Variants in CYP19A1 observed in about 807,000 individuals in gnomAD.
CYP19A1 encodes the protein aromatase.
CYP19A1 carries 32 observed loss-of-function variants against 44.4 expected under a neutral mutation model. That is an observed-to-expected ratio of 0.72 (90% CI 0.54 to 0.97). The LOEUF is 0.97. Among genes scored for constraint, CYP19A1 ranks in the 50% least tolerant of loss-of-function variants. The pLI, the probability that CYP19A1 is intolerant of heterozygous loss-of-function variation, is 0.00. For missense variants in CYP19A1, 598 were observed against 637.8 expected (o/e 0.94, Z 0.67); for synonymous variants, 212 against 215.6 (o/e 0.98, Z 0.14).
At chr15:51,240,969 T>C (rs1035599040) in intron 2 of CYP19A1, among the ~76,000 whole-genome samples, 42 of 152,208 alleles carry the variant, frequency 2.8e-4, no homozygotes, top group Admixed American at 2.6e-3. Context: ...AGGCTCATAT[T>C]TGTGGCTCTC....
In CYP19A1 at chr15:51,229,514, C is replaced by G. The variant is rs188494149; in HGVS notation, c.297-1581G>C. On this transcript the variant is annotated intron_variant, in intron 3 of 9. Transcript: ENST00000396402. ...TCTTGATCTGATTCCAGATAATATT[C>G]ATCAAATAATCCTAAGTTTTGGACA... is the stretch of plus-strand genomic sequence containing the variant. Among the ~76,000 whole-genome samples, 554 of 151,686 alleles carry G rather than the reference C, an allele frequency of 3.7e-3. 3 individuals are homozygous for G. Among genetic ancestry groups the G allele is most frequent in the African/African-American group, 0.013 (528 of 41,388 alleles).
At chr15:51,282,355 C>T (rs59495361) in intron 1 of CYP19A1, among the ~76,000 whole-genome samples, 1 of 152,306 alleles carries the variant, frequency 6.6e-6, no homozygotes, top group Admixed American at 6.5e-5. Context: ...TGAGTCTAGA[C>T]TTGCTGGCTC....
chr15:51,275,846 T>C (rs2035288762), intron 1 of CYP19A1, among the ~76,000 whole-genome samples: 1 of 152,148 alleles, frequency 6.6e-6, no homozygotes, highest in Non-Finnish European at 1.5e-5. Context: ...CCAAAGTAAA[T>C]GGATTCATTT....
intron 3 of CYP19A1, among the ~76,000 whole-genome samples, chr15:51,230,190 A>G (rs943907730): frequency 3.9e-5 from 6 of 152,264 alleles, no homozygotes; most frequent in Non-Finnish European, 5.9e-5. Flanking sequence ...AGAAAAGTGA[A>G]GAGAAGGTCA....
intron 1 of CYP19A1, among the ~76,000 whole-genome samples, chr15:51,275,691 T>A (rs1305394691): frequency 6.6e-6 from 1 of 152,252 alleles, no homozygotes; most frequent in Non-Finnish European, 1.5e-5. Flanking sequence ...CACATTTTTT[T>A]TTCTTGTTTC....
chr15:51,237,480 G>A (rs1305895911), intron 2 of CYP19A1, among the ~76,000 whole-genome samples: 1 of 152,212 alleles, frequency 6.6e-6, no homozygotes, highest in Non-Finnish European at 1.5e-5. Flanking sequence ...AAACTGGTCT[G>A]TAGTTTTGTA....
intron 9 of CYP19A1, 131 bp downstream of exon 9, chr15:51,212,189 T>G: frequency 1.3e-6 from 1 of 781,640 alleles, no homozygotes; most frequent in Non-Finnish European, 2.3e-6. Flanking sequence ...ACGTGTGTGC[T>G]CCTGGTGAGG....
chr15:51,293,330 A>G (rs1385498134), intron 1 of CYP19A1, among the ~76,000 whole-genome samples: 5 of 152,208 alleles, frequency 3.3e-5, no homozygotes, highest in African/African-American at 1.2e-4. Context: ...GCACAATTGT[A>G]AACAAAATAT....
chr15:51,267,587 G>C (rs1016563494), intron 1 of CYP19A1, among the ~76,000 whole-genome samples: 1 of 152,226 alleles, frequency 6.6e-6, no homozygotes, highest in Non-Finnish European at 1.5e-5. Flanking sequence ...GGTGTTCGCC[G>C]GGTGGGGGCC....
At chr15:51,254,559 C>G (rs1305433131) in intron 1 of CYP19A1, among the ~76,000 whole-genome samples, 2 of 151,904 alleles carry the variant, frequency 1.3e-5, no homozygotes, top group African/African-American at 4.8e-5. Flanking sequence ...TCTCATGGAT[C>G]CATCCTTCAT....
intron 4 of CYP19A1, among the ~76,000 whole-genome samples, chr15:51,222,843 G>C (rs2032231021): frequency 6.6e-6 from 1 of 152,114 alleles, no homozygotes; most frequent in Non-Finnish European, 1.5e-5. Context: ...TTTAGTACTT[G>C]TGGTCATAAA....
At chr15:51,301,336 T>C (rs1022806401) in intron 1 of CYP19A1, among the ~76,000 whole-genome samples, 1 of 152,232 alleles carries the variant, frequency 6.6e-6, no homozygotes, top group East Asian at 1.9e-4. Context: ...AAAACTGAGA[T>C]AGCACAAAGC....
intron 1 of CYP19A1, among the ~76,000 whole-genome samples, chr15:51,295,550 G>C (rs1179724916): frequency 6.6e-6 from 1 of 152,198 alleles, no homozygotes; most frequent in Non-Finnish European, 1.5e-5. Flanking sequence ...CAGAGTACTT[G>C]ACACCCAGGA....
chr15:51,226,846 C>T (rs547094277), intron 4 of CYP19A1, among the ~76,000 whole-genome samples: 1 of 152,240 alleles, frequency 6.6e-6, no homozygotes, highest in Admixed American at 6.5e-5. Context: ...TTCATTACTC[C>T]CTATTTTGCC....
intron 1 of CYP19A1, among the ~76,000 whole-genome samples, chr15:51,332,554 A>G (rs1448253196): frequency 6.6e-6 from 1 of 152,218 alleles, no homozygotes; most frequent in African/African-American, 2.4e-5. Flanking sequence ...CTTGCTCACC[A>G]CTAATTTTTT....
rs59236653 is a variant in CYP19A1 at position 51,283,151 on chromosome 15, C to T, written c.-38-40201G>A. The stretch of plus-strand genomic sequence containing the variant: ...TAGATTCAGATGAGGAAGAGGAGGA[C>T]GAGTGTAAAGAACTAATTTCAGATT... On this transcript the variant is annotated intron_variant, in intron 1 of 9. Coordinates refer to ENST00000396402, the MANE Select transcript of CYP19A1 (RefSeq NM_000103.4). Among the ~76,000 whole-genome samples the T allele has an allele frequency of 9.8e-3, 1,448 of 147,984 alleles. 29 individuals are homozygous for T. The highest frequency in any genetic ancestry group is 0.035 in the African/African-American group (1,383 of 39,096).
intron 6 of CYP19A1, 157 bp from the exon 7 acceptor site, chr15:51,215,974 C>G (rs1380461033): frequency 1.6e-5 from 22 of 1,372,844 alleles, no homozygotes; most frequent in African/African-American, 4.4e-5. Context: ...TCATAAATAC[C>G]CTTAAATTAC....
rs1049850137 is a variant in CYP19A1, at chr15:51,272,262, C to A, written c.-38-29312G>T. Among the ~76,000 whole-genome samples, 7 of 152,286 alleles carry A rather than the reference C, an allele frequency of 4.6e-5. No individual in the cohort carries two copies. In the East Asian group the frequency reaches 1.3e-3, roughly 29 times the overall value. On this transcript the variant is annotated intron_variant, in intron 1 of 9. Transcript: ENST00000396402. Reference sequence around the variant, plus strand: ...AAGATACGTGTTCCTGAGTAAATCTCTTGTGTGCTATTAGACTAGCCCCAA... The same window carrying A: ...AAGATACGTGTTCCTGAGTAAATCTATTGTGTGCTATTAGACTAGCCCCAA...
intron 1 of CYP19A1, among the ~76,000 whole-genome samples, chr15:51,305,967 TG>T (rs1392453526): frequency 2.6e-5 from 4 of 152,282 alleles, no homozygotes; most frequent in African/African-American, 7.2e-5. Context: ...ATGCTACATC[TG>T]GGGCGCTATG....
Sources: allele counts gnomAD v4.1 joint callset (sites outside exome capture counted in the v4.1 genomes callset), GRCh38; gene constraint gnomAD v4.1.1; transcripts MANE v1.5; gene names NCBI Gene and HGNC (gene_info 2026-07-23, HGNC 2026-07-21).